Variants in CDK17 observed in about 807,000 individuals in gnomAD.
The protein encoded by CDK17 is cyclin dependent kinase 17.
Under a neutral mutation model 77.6 loss-of-function variants are expected in CDK17, and 24 were observed. That is an observed-to-expected ratio of 0.31 (90% CI 0.22 to 0.44). The LOEUF is 0.44. Ranked by LOEUF, CDK17 falls within the 20% of genes least tolerant of loss-of-function variation. The probability of loss-of-function intolerance (pLI) is 1.00; values close to 1 mark genes in which losing one functional copy is unlikely to be tolerated. For missense variants in CDK17, 429 were observed against 622.5 expected (o/e 0.69, Z 3.31); for synonymous variants, 203 against 210.4 (o/e 0.96, Z 0.30).
At chr12:96,305,397 G>T (rs1952564571) in intron 5 of CDK17, among the ~76,000 whole-genome samples, 1 of 152,112 alleles carries the variant, frequency 6.6e-6, no homozygotes, top group Non-Finnish European at 1.5e-5. Flanking sequence ...ATGTATTAAA[G>T]TAATATAAAA....
intron 5 of CDK17, chr12:96,303,274 T>C (rs938445873): frequency 2.0e-5 from 3 of 152,136 alleles, no homozygotes; most frequent in African/African-American, 4.8e-5. Context: ...CTGAGTTCCA[T>C]CCTAGATTAT....
chr12:96,333,899 G>C (rs1236464112), intron 2 of CDK17, among the ~76,000 whole-genome samples: 3 of 152,114 alleles, frequency 2.0e-5, no homozygotes, highest in Non-Finnish European at 4.4e-5. Flanking sequence ...TCATCAACTA[G>C]GAAGTGTTTA....
chr12:96,286,668 C>T lies in CDK17; in HGVS notation c.1212G>A (p.Leu404=). Residue 404 remains leucine (L), a synonymous_variant, in exon 12 of 17, where the codon CTG becomes CTA. Transcript: ENST00000261211. ...GGAAAAGATTTCTTCTGTTACCTAGCAGTCGGAAAATTAAGTGCAGTTCAT... is the reference window on the plus strand; with the variant it reads ...GGAAAAGATTTCTTCTGTTACCTAGTAGTCGGAAAATTAAGTGCAGTTCAT... The part of the protein sequence containing the change: ...VEDELHLIFR[L]LGTPSQETWP... The T allele has an allele frequency of 6.2e-7, 1 of 1,610,490 alleles. No homozygotes were observed. The highest frequency in any genetic ancestry group is 8.5e-7 in the Non-Finnish European group (1 of 1,176,954).
intron 13 of CDK17, chr12:96,284,396 G>A (rs1257684587): frequency 6.7e-6 from 1 of 149,864 alleles, no homozygotes; most frequent in Non-Finnish European, 1.5e-5. Flanking sequence ...GGGAGGTGGG[G>A]CTTGCAGTGA....
intron 5 of CDK17, chr12:96,303,432 G>C (rs1376415744): frequency 6.6e-6 from 1 of 152,114 alleles, no homozygotes; most frequent in East Asian, 1.9e-4. Context: ...TGTCATGGTG[G>C]GGGTATTTGG....
At chr12:96,315,810 T>A (rs899675535) in intron 3 of CDK17, among the ~76,000 whole-genome samples, 1 of 152,010 alleles carries the variant, frequency 6.6e-6, no homozygotes, top group African/African-American at 2.4e-5. Context: ...GGTCCCTGGG[T>A]TTACCTTCCA....
At chr12:96,392,389 A>G (rs751287447) in intron 1 of CDK17, among the ~76,000 whole-genome samples, 71 of 152,218 alleles carry the variant, frequency 4.7e-4, no homozygotes, top group Non-Finnish European at 8.2e-4. Context: ...AAAGGATAAA[A>G]TAAGATACAT....
chr12:96,289,169 CAT>C lies in CDK17; in HGVS notation c.1114_1115del (p.Met372ValfsTer9), dbSNP rs1328240040. The stretch of plus-strand genomic sequence containing the variant: ...CAGTGACATCTGTATATATTTACCA[CAT>C]GTCAATCTGTGTTGAGTACTCCGAG... ...GSSEYSTQIDMWGVGCIFFEM... is the reference protein window; with the variant it reads ...GSSEYSTQIDXWGVGCIFFEM... On this transcript the variant is annotated frameshift_variant, in exon 11 of 17. Coordinates refer to ENST00000261211, the MANE Select transcript of CDK17 (RefSeq NM_002595.5). LOFTEE classifies it high-confidence loss of function. The C allele has an allele frequency of 6.2e-7, 1 of 1,613,608 alleles. No individual in the cohort carries two copies. The highest frequency in any genetic ancestry group is 8.5e-7 in the Non-Finnish European group (1 of 1,179,652).
At chr12:96,348,523 CAAAAAA>C (rs35363324) in intron 1 of CDK17, among the ~76,000 whole-genome samples, 2 of 66,374 alleles carry the variant, frequency 3.0e-5, no homozygotes, top group African/African-American at 1.5e-4. Context: ...GACTCTGTCT[CAAAAAA>C]AAAAAAAAAA....
At chr12:96,389,332 G>A (rs1954029811) in intron 1 of CDK17, among the ~76,000 whole-genome samples, 1 of 151,936 alleles carries the variant, frequency 6.6e-6, no homozygotes, top group Non-Finnish European at 1.5e-5. Context: ...TACTGAAGTA[G>A]GCTTTATGAA....
Position 96,297,281 on chromosome 12 carries a change from G to A in CDK17, c.862C>T (p.His288Tyr), listed in dbSNP as rs200617439. 1.2e-5 allele frequency: 20 copies of A among 1,608,062 alleles called. No individual in the cohort carries two copies. The highest frequency in any genetic ancestry group is 1.7e-5 in the Admixed American group (1 of 59,808). Residue 288 changes from histidine (H) to tyrosine (Y), a missense_variant, in exon 9 of 17, where the codon CAC becomes TAC. By Grantham distance (83) the His-to-Tyr change is moderately conservative. This residue lies in a region of CDK17 where 262 missense variants were observed against 385.4 expected (regional missense o/e 0.68). Coordinates refer to ENST00000261211, the MANE Select transcript of CDK17 (RefSeq NM_002595.5). ...MDDCGNIMSMHNVKLFLYQIL... is the reference protein window; with the variant it reads ...MDDCGNIMSMYNVKLFLYQIL... Reference sequence around the variant, plus strand: ...GCAAGAAAACATACCTTTACGTTGTGCATACTCATGATGTTTCCACAGTCA... The same window carrying A: ...GCAAGAAAACATACCTTTACGTTGTACATACTCATGATGTTTCCACAGTCA...
chr12:96,341,385 T>A (rs144566646), intron 1 of CDK17, among the ~76,000 whole-genome samples: 1,595 of 152,110 alleles, frequency 0.01, 48 homozygotes, highest in Admixed American at 0.064. Flanking sequence ...AACTAATGTT[T>A]TTCTAGATGT....
In CDK17 at chr12:96,395,742, C is replaced by A. The variant is rs1447898547; in HGVS notation, c.-30+4244G>T. 2.0e-5 allele frequency among the ~76,000 whole-genome samples: 3 copies of A among 152,274 alleles called. No individual in the cohort carries two copies. In the East Asian group the frequency reaches 5.8e-4, roughly 29 times the overall value. On this transcript the variant is annotated intron_variant, in intron 1 of 16. Transcript: ENST00000261211. ...TTTAGATTAGGTCCTAAGAGTGAGA[C>A]CCTCTCATGACGGGATTTGTGCCCT...
rs1954235375 is a variant in CDK17 at position 96,400,047 on chromosome 12, TCCGCGGACGC to T, written c.-101_-92del. On this transcript the variant is annotated 5_prime_UTR_variant, in exon 1 of 17. Coordinates refer to ENST00000261211, the MANE Select transcript of CDK17 (RefSeq NM_002595.5). ...GAAGAGAGGCGCGGGGGGAAGCTGC[TCCGCGGACGC>T]CCGCGGCGACCGGATGCAAGTCCGG... is the stretch of plus-strand genomic sequence containing the variant. The T allele has an allele frequency of 7.8e-6, 3 of 386,904 alleles. No homozygotes were observed. Among genetic ancestry groups the T allele is most frequent in the Admixed American group, 4.5e-5 (1 of 22,314 alleles). The allele number at this position is 386,904 out of a possible 1,614,324, so 24.0% of individuals were successfully genotyped here. A position where few individuals can be genotyped will look rare whatever the true frequency, so the allele number is the denominator to read the frequency against.
chr12:96,329,512 T>C (rs1012017451), intron 2 of CDK17, among the ~76,000 whole-genome samples: 12 of 152,218 alleles, frequency 7.9e-5, no homozygotes, highest in Admixed American at 7.2e-4. Flanking sequence ...TGCAATTTCA[T>C]AGCCCAACTT....
chr12:96,283,548 T>A, intron 14 of CDK17, 55 bp downstream of exon 14: 2 of 1,048,370 alleles, frequency 1.9e-6, no homozygotes, highest in South Asian at 2.6e-5. Context: ...ATTCTACACA[T>A]GAAGAAGCTG....
chr12:96,333,646 C>A (rs1202618319), intron 2 of CDK17, among the ~76,000 whole-genome samples: 1 of 149,714 alleles, frequency 6.7e-6, no homozygotes, highest in African/African-American at 2.5e-5. Flanking sequence ...TGCACTCCAG[C>A]CTGGGCAGCA....
chr12:96,307,231 G>T (rs899708817), intron 5 of CDK17, among the ~76,000 whole-genome samples: 1 of 152,096 alleles, frequency 6.6e-6, no homozygotes, highest in Admixed American at 6.5e-5. Context: ...GGAGGCGAAG[G>T]TTGCGGTGAC....
intron 15 of CDK17, chr12:96,281,752 T>C (rs1257110205): frequency 6.6e-6 from 1 of 152,264 alleles, no homozygotes; most frequent in African/African-American, 2.4e-5. Flanking sequence ...CATTTAAATA[T>C]ATCCAGTAAA....
Sources: gnomAD v4.1 joint callset for allele counts (sites outside exome capture counted in the v4.1 genomes callset) on GRCh38, gnomAD v4.1.1 for gene constraint, gnomAD v4.1.1 regional missense constraint, MANE v1.5 for transcripts, NCBI Gene and HGNC (gene_info 2026-07-23, HGNC 2026-07-21) for gene names.